FAR2: variants seen among roughly 807,000 people sequenced by gnomAD.
FAR2 encodes the protein epididymis secretory protein Li 81.
A neutral mutation model predicts 56.0 loss-of-function variants in FAR2; 19 were observed. The observed-to-expected ratio is 0.34, with a 90% CI of 0.24 to 0.50. The LOEUF is 0.50. Ranked by LOEUF, FAR2 falls within the 20% of genes least tolerant of loss-of-function variation. The probability of loss-of-function intolerance (pLI) is 0.98; values close to 1 mark genes in which losing one functional copy is unlikely to be tolerated. For missense variants in FAR2, 508 were observed against 642.2 expected (o/e 0.79, Z 2.26); for synonymous variants, 219 against 218.8 (o/e 1.00, Z -0.01).
At chr12:29,264,495 C>T (rs2350312) in intron 1 of FAR2, among the ~76,000 whole-genome samples, 20,677 of 151,762 alleles carry the variant, frequency 0.14, 1,540 homozygotes, top group Middle Eastern at 0.27. Context: ...GAGAAATAGG[C>T]CAGGTGCATT....
At chr12:29,188,646 C>T (rs923697851) in intron 1 of FAR2, among the ~76,000 whole-genome samples, 2 of 152,134 alleles carry the variant, frequency 1.3e-5, no homozygotes, top group African/African-American at 4.8e-5. Flanking sequence ...CCATTAATCT[C>T]CTTTTTCTGT....
intron 1 of FAR2, among the ~76,000 whole-genome samples, chr12:29,189,102 A>T (rs1950075363): frequency 6.6e-6 from 1 of 152,070 alleles, no homozygotes; most frequent in Admixed American, 6.6e-5. Context: ...AGTCTACCCA[A>T]CCTTCAAGGA....
At chr12:29,221,462 G>A (rs1300283155) in intron 1 of FAR2, among the ~76,000 whole-genome samples, 1 of 151,880 alleles carries the variant, frequency 6.6e-6, no homozygotes, top group African/African-American at 2.4e-5. Flanking sequence ...TGATATATTT[G>A]GAAAACTAAA....
intron 1 of FAR2, among the ~76,000 whole-genome samples, chr12:29,263,737 C>T (rs1336873062): frequency 6.7e-6 from 1 of 148,630 alleles, no homozygotes; most frequent in African/African-American, 2.5e-5. Flanking sequence ...AGAACTGGTT[C>T]AATCCAGTAG....
intron 1 of FAR2, among the ~76,000 whole-genome samples, chr12:29,243,888 C>A (rs1591884862): frequency 6.6e-6 from 1 of 152,080 alleles, no homozygotes; most frequent in African/African-American, 2.4e-5. Flanking sequence ...ATAATAAGAA[C>A]CTTTAAAAGA....
At chr12:29,269,657 T>C (rs2136705821) in intron 1 of FAR2, among the ~76,000 whole-genome samples, 1 of 152,356 alleles carries the variant, frequency 6.6e-6, no homozygotes, top group Non-Finnish European at 1.5e-5. Context: ...ATTATAAAAG[T>C]ATTAATTTGA....
At chr12:29,219,357 G>A (rs1257874023) in intron 1 of FAR2, among the ~76,000 whole-genome samples, 1 of 152,040 alleles carries the variant, frequency 6.6e-6, no homozygotes, top group Non-Finnish European at 1.5e-5. Context: ...ATCTCTCTTG[G>A]GGAAAAGAAT....
intron 1 of FAR2, among the ~76,000 whole-genome samples, chr12:29,259,439 T>C (rs1948380534): frequency 6.6e-6 from 1 of 152,244 alleles, no homozygotes; most frequent in Non-Finnish European, 1.5e-5. Context: ...TCCAGTGGAC[T>C]ACGAAGACAT....
At chr12:29,156,233 A>G (rs1308924923) in intron 1 of FAR2, among the ~76,000 whole-genome samples, 1 of 152,216 alleles carries the variant, frequency 6.6e-6, no homozygotes, top group African/African-American at 2.4e-5. Flanking sequence ...ATAACTAAGT[A>G]AATTTCAAAT....
chr12:29,268,835 GT>G (rs1948564617), intron 1 of FAR2, among the ~76,000 whole-genome samples: 1 of 152,168 alleles, frequency 6.6e-6, no homozygotes, highest in South Asian at 2.1e-4. Flanking sequence ...ATGTCGGTAG[GT>G]TCCATGATGC....
intron 10 of FAR2, 109 bp downstream of exon 10, chr12:29,322,033 GA>G: frequency 7.7e-7 from 1 of 1,299,842 alleles, no homozygotes; most frequent in Non-Finnish European, 1.0e-6. Flanking sequence ...TATAGACACA[GA>G]TTTTGTTTTG....
chr12:29,292,154 C>G (rs1414736106), intron 2 of FAR2: 1 of 152,120 alleles, frequency 6.6e-6, no homozygotes, highest in East Asian at 1.9e-4. Flanking sequence ...ATAGCAGTAA[C>G]TTCTGTCTTT....
At chr12:29,312,525 G>T (rs1056888477) in intron 8 of FAR2, among the ~76,000 whole-genome samples, 3 of 152,112 alleles carry the variant, frequency 2.0e-5, no homozygotes, top group Non-Finnish European at 4.4e-5. Context: ...TGAACCCTGG[G>T]ACCAAGGTCT....
chr12:29,323,883 C>T (rs1343537070), intron 10 of FAR2, among the ~76,000 whole-genome samples: 3 of 152,120 alleles, frequency 2.0e-5, no homozygotes, highest in Non-Finnish European at 2.9e-5. Flanking sequence ...GGCAACGGAA[C>T]AAAGCTGGAC....
chr12:29,156,641 A>C (rs1165691600), intron 1 of FAR2: 1 of 152,164 alleles, frequency 6.6e-6, no homozygotes, highest in Non-Finnish European at 1.5e-5. Flanking sequence ...TAATGAAGCC[A>C]ATCTTTTTTT....
intron 1 of FAR2, among the ~76,000 whole-genome samples, chr12:29,227,066 C>G (rs377555874): frequency 6.6e-6 from 1 of 152,106 alleles, no homozygotes; most frequent in African/African-American, 2.4e-5. Context: ...CACTTTCCCC[C>G]TTTTTAAGGG....
At chr12:29,263,535 A>G (rs568573283) in intron 1 of FAR2, among the ~76,000 whole-genome samples, 11 of 152,126 alleles carry the variant, frequency 7.2e-5, no homozygotes, top group African/African-American at 2.4e-4. Flanking sequence ...ATTAAACAAT[A>G]TGCTCCTGAA....
intron 1 of FAR2, among the ~76,000 whole-genome samples, chr12:29,231,954 T>A (rs916411234): frequency 6.6e-6 from 1 of 152,172 alleles, no homozygotes; most frequent in Admixed American, 6.5e-5. Context: ...CCCGAAACTT[T>A]TGCAATGTAG....
chr12:29,277,939 T>C (rs905910823), intron 2 of FAR2: 18 of 147,224 alleles, frequency 1.2e-4, no homozygotes, highest in Non-Finnish European at 2.4e-4. Context: ...TTTCTTTTTT[T>C]TTTTTTTTTT....
Sources: allele counts gnomAD v4.1 joint callset (sites outside exome capture counted in the v4.1 genomes callset), GRCh38; gene constraint gnomAD v4.1.1; transcripts MANE v1.5; gene names NCBI Gene and HGNC (gene_info 2026-07-23, HGNC 2026-07-21).